Variants in NR3C2 observed in about 807,000 individuals in gnomAD.
NR3C2 encodes the protein nuclear receptor subfamily 3 group C member 2.
A neutral mutation model predicts 86.4 loss-of-function variants in NR3C2; 15 were observed. That is an observed-to-expected ratio of 0.17 (90% confidence interval 0.12 to 0.27). NR3C2 has a LOEUF of 0.27. Among genes scored for constraint, NR3C2 ranks in the 10% least tolerant of loss-of-function variants. The pLI is 1.00. For synonymous variants in NR3C2, 458 were observed against 450.5 expected (o/e 1.02, Z -0.21); for missense variants, 960 against 1,195.6 (o/e 0.80, Z 2.91).
chr4:148,126,368 C>A (rs1474452533), intron 6 of NR3C2, among the ~76,000 whole-genome samples: 1 of 152,144 alleles, frequency 6.6e-6, no homozygotes, highest in East Asian at 1.9e-4. Context: ...GACCAATGAT[C>A]ATTTGGTTGA....
intron 2 of NR3C2, among the ~76,000 whole-genome samples, chr4:148,384,204 T>G (rs1226625255): frequency 1.3e-5 from 2 of 151,994 alleles, no homozygotes; most frequent in African/African-American, 2.4e-5. Context: ...TTTTAAATTA[T>G]AAATATTTTC....
intron 2 of NR3C2, among the ~76,000 whole-genome samples, chr4:148,392,864 TAC>T (rs1747659919): frequency 6.6e-6 from 1 of 152,218 alleles, no homozygotes; most frequent in African/African-American, 2.4e-5. Flanking sequence ...TGGTGAATGA[TAC>T]ACCTCCATAG....
intron 2 of NR3C2, among the ~76,000 whole-genome samples, chr4:148,380,840 TAC>T (rs1227862496): frequency 4.6e-5 from 7 of 152,216 alleles, no homozygotes; most frequent in Non-Finnish European, 8.8e-5. Flanking sequence ...AACAGACTTA[TAC>T]ACAGTTAATC....
intron 2 of NR3C2, among the ~76,000 whole-genome samples, chr4:148,376,187 C>T (rs958052568): frequency 1.4e-5 from 2 of 146,782 alleles, no homozygotes; most frequent in African/African-American, 5.0e-5. Flanking sequence ...GCATTTTAAC[C>T]ACAACAACTG....
At chr4:148,161,875 G>C (rs1366399407) in intron 4 of NR3C2, among the ~76,000 whole-genome samples, 5 of 152,174 alleles carry the variant, frequency 3.3e-5, no homozygotes, top group African/African-American at 7.2e-5. Flanking sequence ...GCTATGATAA[G>C]TTTTGGGTCA....
At chr4:148,271,376 G>GT (rs1740675625) in intron 2 of NR3C2, among the ~76,000 whole-genome samples, 1 of 152,002 alleles carries the variant, frequency 6.6e-6, no homozygotes, top group Admixed American at 6.6e-5. Context: ...TTGGGTCTTT[G>GT]TTTTTCTCAG....
intron 2 of NR3C2, among the ~76,000 whole-genome samples, chr4:148,353,413 G>A (rs573472051): frequency 1.6e-4 from 25 of 151,782 alleles, no homozygotes; most frequent in African/African-American, 3.6e-4. Context: ...GTTTAAATAC[G>A]TCAATATAAT....
intron 2 of NR3C2, among the ~76,000 whole-genome samples, chr4:148,310,078 T>C (rs763434153): frequency 9.8e-5 from 15 of 152,340 alleles, no homozygotes; most frequent in Non-Finnish European, 2.1e-4. Flanking sequence ...TATTTCATCA[T>C]AATAACTAGA....
At chr4:148,123,739 CT>C (rs1330006922) in intron 6 of NR3C2, among the ~76,000 whole-genome samples, 1 of 152,216 alleles carries the variant, frequency 6.6e-6, no homozygotes, top group Non-Finnish European at 1.5e-5. Flanking sequence ...TATGGCTCTA[CT>C]GGATTTAGAA....
At chr4:148,192,742 AGGTTTTC>A (rs1323511599) in intron 4 of NR3C2, among the ~76,000 whole-genome samples, 1 of 151,928 alleles carries the variant, frequency 6.6e-6, no homozygotes, top group Non-Finnish European at 1.5e-5. Flanking sequence ...TGAGTCATGC[AGGTTTTC>A]AAGGAAGTGG....
chr4:148,219,650 G>A (rs1228020938), intron 3 of NR3C2, among the ~76,000 whole-genome samples: 1 of 152,090 alleles, frequency 6.6e-6, no homozygotes, highest in African/African-American at 2.4e-5. Flanking sequence ...ACATGTCTGT[G>A]TGAGGCCAAT....
At chr4:148,410,858 C>T (rs72658644) in intron 2 of NR3C2, among the ~76,000 whole-genome samples, 2,103 of 152,142 alleles carry the variant, frequency 0.014, 48 homozygotes, top group African/African-American at 0.047. Context: ...CATCATTTGG[C>T]CAGGAGTAGT....
intron 2 of NR3C2, among the ~76,000 whole-genome samples, chr4:148,335,525 C>G (rs1451875369): frequency 6.6e-6 from 1 of 152,122 alleles, no homozygotes. Context: ...ATTGAATCAT[C>G]CAATGAGAGC....
chr4:148,300,219 GC>G (rs765327419), intron 2 of NR3C2, among the ~76,000 whole-genome samples: 3 of 152,170 alleles, frequency 2.0e-5, no homozygotes, highest in Non-Finnish European at 4.4e-5. Context: ...TGCGATGGTG[GC>G]CCAGGTTCAG....
At chr4:148,189,752 C>A (rs1165265490) in intron 4 of NR3C2, among the ~76,000 whole-genome samples, 1 of 152,110 alleles carries the variant, frequency 6.6e-6, no homozygotes, top group Non-Finnish European at 1.5e-5. Context: ...CTAATTCTTC[C>A]AGATTTAAGC....
chr4:148,260,797 G>GA, intron 2 of NR3C2, among the ~76,000 whole-genome samples: 1 of 152,272 alleles, frequency 6.6e-6, no homozygotes, highest in Admixed American at 6.5e-5. Flanking sequence ...GGCTCTCTGG[G>GA]AAACAGTTTT....
chr4:148,281,860 G>A (rs1741264049), intron 2 of NR3C2, among the ~76,000 whole-genome samples: 1 of 152,192 alleles, frequency 6.6e-6, no homozygotes, highest in Non-Finnish European at 1.5e-5. Flanking sequence ...AGATAACCAT[G>A]TATAATATTC....
chr4:148,179,262 G>A (rs1735538406), intron 4 of NR3C2, among the ~76,000 whole-genome samples: 1 of 151,640 alleles, frequency 6.6e-6, no homozygotes, highest in Non-Finnish European at 1.5e-5. Flanking sequence ...AGAAAGGACA[G>A]TTCGGATTAT....
intron 2 of NR3C2, among the ~76,000 whole-genome samples, chr4:148,363,506 C>T (rs12507179): frequency 0.38 from 40,760 of 107,832 alleles, 9,334 homozygotes; most frequent in Middle Eastern, 0.47. Context: ...TCATAGATCT[C>T]TTTTTTTTTT....
Sources: allele counts gnomAD v4.1 joint callset (sites outside exome capture counted in the v4.1 genomes callset), GRCh38; gene constraint gnomAD v4.1.1; transcripts MANE v1.5; gene names NCBI Gene and HGNC (gene_info 2026-07-23, HGNC 2026-07-21).